The following EGFLAM variants were observed in gnomAD, a reference collection of about 807,000 sequenced individuals.
The protein encoded by EGFLAM is EGF like, fibronectin type III and laminin G domains.
Under a neutral mutation model 113.1 loss-of-function variants are expected in EGFLAM, and 79 were observed. The observed-to-expected ratio is 0.70, with a 90% CI of 0.58 to 0.84. The LOEUF is 0.84. EGFLAM is among the 40% of genes least tolerant of loss of function. The pLI, the probability that EGFLAM is intolerant of heterozygous loss-of-function variation, is 0.00. For missense variants in EGFLAM, 1,265 were observed against 1,291.6 expected, an observed-to-expected ratio of 0.98 and a Z score of 0.32; for synonymous variants, 504 against 487.6, an observed-to-expected ratio of 1.03 and a Z score of -0.44.
intron 1 of EGFLAM, among the ~76,000 whole-genome samples, chr5:38,283,440 T>A (rs1384712367): frequency 6.6e-6 from 1 of 152,222 alleles, no homozygotes; most frequent in Non-Finnish European, 1.5e-5. Context: ...GCATGCATTG[T>A]GCCTTTACAT....
chr5:38,435,345 GA>G, intron 16 of EGFLAM, 92 bp downstream of exon 16: 3 of 948,140 alleles, frequency 3.2e-6, no homozygotes, highest in Admixed American at 2.2e-5. Flanking sequence ...CTGCACCCAA[GA>G]AAGACACTTT....
At chr5:38,362,936 C>T (rs189425838) in intron 5 of EGFLAM, among the ~76,000 whole-genome samples, 1 of 152,312 alleles carries the variant, frequency 6.6e-6, no homozygotes, top group African/African-American at 2.4e-5. Flanking sequence ...TATGAAACAG[C>T]TTTGGGAGCC....
At chr5:38,352,896 G>A (rs765598365) in intron 5 of EGFLAM, among the ~76,000 whole-genome samples, 1 of 152,164 alleles carries the variant, frequency 6.6e-6, no homozygotes, top group Non-Finnish European at 1.5e-5. Context: ...TCTAGGCTCT[G>A]AAAACTCCTG....
intron 18 of EGFLAM, among the ~76,000 whole-genome samples, chr5:38,450,238 C>T (rs1045102605): frequency 3.3e-5 from 5 of 152,124 alleles, no homozygotes; most frequent in African/African-American, 7.2e-5. Context: ...GGAACCTGAG[C>T]GAAAATCTGG....
At chr5:38,456,678 T>C (rs1267890052) in intron 19 of EGFLAM, among the ~76,000 whole-genome samples, 5 of 152,242 alleles carry the variant, frequency 3.3e-5, no homozygotes, top group Non-Finnish European at 5.9e-5. Flanking sequence ...TGGTGCTTTC[T>C]CTGGAGAAAG....
At chr5:38,259,837 A>C (rs149380147) in intron 1 of EGFLAM, among the ~76,000 whole-genome samples, 165 of 152,344 alleles carry the variant, frequency 1.1e-3, no homozygotes, top group African/African-American at 3.8e-3. Flanking sequence ...ACGTTTCTGT[A>C]AGAAAGAGGC....
At chr5:38,385,277 CA>C (rs1260074103) in intron 6 of EGFLAM, among the ~76,000 whole-genome samples, 1,690 of 46,250 alleles carry the variant, frequency 0.037, 3 homozygotes, top group African/African-American at 0.1. Flanking sequence ...GTTTCCCACC[CA>C]CCCCCCCCCC....
intron 5 of EGFLAM, among the ~76,000 whole-genome samples, chr5:38,359,854 G>T (rs1420207242): frequency 6.6e-6 from 1 of 152,104 alleles, no homozygotes; most frequent in African/African-American, 2.4e-5. Flanking sequence ...TGACTTTTCT[G>T]CCTAAATATT....
intron 1 of EGFLAM, among the ~76,000 whole-genome samples, chr5:38,289,967 T>C (rs1758271922): frequency 6.6e-6 from 1 of 152,230 alleles, no homozygotes; most frequent in Admixed American, 6.5e-5. Flanking sequence ...TCAGGCACTT[T>C]GCTAGGTTCT....
At chr5:38,262,502 T>A (rs114463986) in intron 1 of EGFLAM, among the ~76,000 whole-genome samples, 190 of 152,288 alleles carry the variant, frequency 1.2e-3, no homozygotes, top group African/African-American at 4.3e-3. Context: ...CTTGTGTCCC[T>A]TTGTAGAAAA....
intron 6 of EGFLAM, among the ~76,000 whole-genome samples, chr5:38,384,644 G>C (rs1372124872): frequency 6.6e-6 from 1 of 152,152 alleles, no homozygotes; most frequent in Non-Finnish European, 1.5e-5. Context: ...TAGACTGAAG[G>C]CAGTCTGTGC....
At chr5:38,343,193 C>T (rs1013615530) in intron 3 of EGFLAM, among the ~76,000 whole-genome samples, 2 of 152,056 alleles carry the variant, frequency 1.3e-5, no homozygotes, top group Non-Finnish European at 2.9e-5. Context: ...CAACTGAGGT[C>T]AGGAGTTCGA....
At chr5:38,315,211 C>A (rs1032424862) in intron 1 of EGFLAM, among the ~76,000 whole-genome samples, 2 of 152,138 alleles carry the variant, frequency 1.3e-5, no homozygotes, top group African/African-American at 4.8e-5. Context: ...ATCTCATTTA[C>A]TAGGTATTGA....
chr5:38,317,005 T>C (rs1275779149), intron 1 of EGFLAM, among the ~76,000 whole-genome samples: 2 of 152,120 alleles, frequency 1.3e-5, no homozygotes, highest in Non-Finnish European at 2.9e-5. Flanking sequence ...TGTTCCGGTG[T>C]CCATTCTATC....
chr5:38,364,318 G>C (rs766583247), intron 5 of EGFLAM, among the ~76,000 whole-genome samples: 1 of 152,184 alleles, frequency 6.6e-6, no homozygotes, highest in African/African-American at 2.4e-5. Flanking sequence ...AGAAACATAA[G>C]CTTGATCTGA....
At chr5:38,396,877 C>T (rs1425248874) in intron 6 of EGFLAM, among the ~76,000 whole-genome samples, 1 of 152,138 alleles carries the variant, frequency 6.6e-6, no homozygotes, top group Non-Finnish European at 1.5e-5. Flanking sequence ...TGCATAACAC[C>T]TTGGTCTCTG....
chr5:38,351,534 A>T (rs528834391), intron 4 of EGFLAM, among the ~76,000 whole-genome samples: 1 of 152,250 alleles, frequency 6.6e-6, no homozygotes, highest in African/African-American at 2.4e-5. Context: ...AATGCATAGG[A>T]TTTTGCTAGG....
At chr5:38,351,376 G>A (rs959115747) in intron 4 of EGFLAM, among the ~76,000 whole-genome samples, 1 of 151,916 alleles carries the variant, frequency 6.6e-6, no homozygotes, top group Non-Finnish European at 1.5e-5. Context: ...CAAAGTACTG[G>A]GATTACAGGC....
chr5:38,331,476 A>G lies in EGFLAM; in HGVS notation c.98-6044A>G, dbSNP rs374426153. Among the ~76,000 whole-genome samples the G allele has an allele frequency of 1.8e-4, 28 of 152,306 alleles. No homozygotes were observed. In the East Asian group the frequency reaches 4.4e-3, roughly 24 times the overall value. On this transcript the variant is annotated intron_variant, in intron 1 of 21. Transcript: ENST00000322350. ...TCCTTTTCCAGAATGTCATAGAGTT[A>G]GAATCATACAGTATGTAGCCTCTTC...
Sources: gnomAD v4.1 joint callset for allele counts (sites outside exome capture counted in the v4.1 genomes callset) on GRCh38, gnomAD v4.1.1 for gene constraint, MANE v1.5 for transcripts, NCBI Gene and HGNC (gene_info 2026-07-23, HGNC 2026-07-21) for gene names.